The following XPNPEP1 variants were observed in gnomAD, a reference collection of about 807,000 sequenced individuals.
The protein encoded by XPNPEP1 is xaa-Pro aminopeptidase 1.
A neutral mutation model predicts 92.4 loss-of-function variants in XPNPEP1; 39 were observed. The observed-to-expected ratio is 0.42, with a 90% CI of 0.33 to 0.55. The LOEUF is 0.55. XPNPEP1 is among the 20% of genes least tolerant of loss of function. XPNPEP1 has a pLI of 0.08. For missense variants in XPNPEP1, 654 were observed against 856.1 expected, an observed-to-expected ratio of 0.76 and a Z score of 2.95; for synonymous variants, 307 against 299.4, an observed-to-expected ratio of 1.03 and a Z score of -0.26.
At chr10:109,890,880 G>C (rs1848671850) in intron 5 of XPNPEP1, among the ~76,000 whole-genome samples, 1 of 152,112 alleles carries the variant, frequency 6.6e-6, no homozygotes, top group Non-Finnish European at 1.5e-5. Context: ...TTCCTGCTGT[G>C]AGTCTGAGGA....
chr10:109,884,204 G>A, intron 8 of XPNPEP1, 56 bp from the exon 9 acceptor site: 5 of 1,550,534 alleles, frequency 3.2e-6, no homozygotes, highest in African/African-American at 1.4e-5. Context: ...TTAAGGGGTC[G>A]CTTGTAGCGG....
intron 2 of XPNPEP1, among the ~76,000 whole-genome samples, chr10:109,913,235 A>G (rs1849977690): frequency 6.6e-6 from 1 of 152,376 alleles, no homozygotes; most frequent in Admixed American, 6.5e-5. Context: ...CTGATTGTAC[A>G]TGAAAAGCAC....
chr10:109,882,371 A>C (rs1848148735), intron 10 of XPNPEP1, 61 bp downstream of exon 10: 1 of 1,569,664 alleles, frequency 6.4e-7, no homozygotes, highest in Non-Finnish European at 8.7e-7. Context: ...TGCTCCAAAG[A>C]CAATACCAGA....
intron 15 of XPNPEP1, among the ~76,000 whole-genome samples, chr10:109,874,511 C>G (rs997830039): frequency 1.3e-5 from 2 of 152,236 alleles, no homozygotes; most frequent in Admixed American, 1.3e-4. Flanking sequence ...CATTATCAAG[C>G]AATCCTTAGC....
rs376462927 is a variant in XPNPEP1, at chr10:109,868,663, A to G, written c.1823T>C (p.Val608Ala). 7.4e-6 allele frequency: 12 copies of G among 1,613,932 alleles called. No individual in the cohort carries two copies. The highest frequency in any genetic ancestry group is 1.7e-5 in the Admixed American group (1 of 60,004). ...GSLTFEPLTL[V>A]PIQTKMIDVD... ...ATCTATCATTTTGGTCTGAATTGGA[A>G]CCAATGTTAGAGGTTCAAAGGTCAG... Residue 608 changes from valine (V) to alanine (A), a missense_variant, in exon 20 of 21, where the codon GTT becomes GCT. Transcript: ENST00000502935.
At chr10:109,889,919 T>G (rs972600219) in intron 5 of XPNPEP1, among the ~76,000 whole-genome samples, 5 of 152,230 alleles carry the variant, frequency 3.3e-5, no homozygotes, top group East Asian at 1.9e-4. Flanking sequence ...ATTTGATTCT[T>G]TCCTATTTTT....
intron 3 of XPNPEP1, among the ~76,000 whole-genome samples, chr10:109,902,249 G>GCAAGCATTCAAGTGCTT (rs1242509495): frequency 6.6e-6 from 1 of 152,218 alleles, no homozygotes; most frequent in Non-Finnish European, 1.5e-5. Context: ...CATTCAAGCA[G>GCAAGCATTCAAGTGCTT]CAAGCATTCA....
intron 1 of XPNPEP1, among the ~76,000 whole-genome samples, chr10:109,922,928 C>T (rs1021254233): frequency 6.6e-6 from 1 of 152,230 alleles, no homozygotes; most frequent in Admixed American, 6.5e-5. Flanking sequence ...ACCGTCTATC[C>T]TTGTGGCGGT....
rs1313109541 is a variant in XPNPEP1 at position 109,923,428 on chromosome 10, T to C, written c.6A>G (p.Ala2=). Residue 2 remains alanine, a synonymous_variant, in exon 1 of 21, where the codon GCA becomes GCG. Transcript: ENST00000502935. M[A]ASRKPPRVRV... is the part of the protein sequence containing the mutation. ...TTACTCGCGGTGGCTTTCTGGAGGC[T>C]GCCATTCGGCGGTGACGTGCCCCAG... 1 of 1,441,720 alleles carries C rather than the reference T, an allele frequency of 6.9e-7. No homozygotes were observed. Among genetic ancestry groups the C allele is most frequent in the South Asian group, 1.3e-5 (1 of 77,182 alleles). The allele number at this position is 1,441,720 out of a possible 1,614,324, so 89.3% of individuals were successfully genotyped here. A position where few individuals can be genotyped will look rare whatever the true frequency, so the allele number is the denominator to read the frequency against.
chr10:109,882,400 G>A (rs763173357), intron 10 of XPNPEP1, 32 bp downstream of exon 10: 1 of 1,597,384 alleles, frequency 6.3e-7, no homozygotes, highest in Admixed American at 1.7e-5. Flanking sequence ...GGGGGTGGCA[G>A]AGTTTAGATG....
intron 3 of XPNPEP1, among the ~76,000 whole-genome samples, chr10:109,903,010 G>A (rs1177959961): frequency 6.6e-6 from 1 of 152,150 alleles, no homozygotes; most frequent in East Asian, 1.9e-4. Context: ...ATCAGTCAGG[G>A]TGTCCAAAAA....
intron 4 of XPNPEP1, among the ~76,000 whole-genome samples, chr10:109,892,800 C>G (rs1351005840): frequency 2.0e-5 from 3 of 152,054 alleles, no homozygotes; most frequent in Non-Finnish European, 4.4e-5. Flanking sequence ...AACTTTGAAG[C>G]AAAGATACAG....
rs767615762 is a variant in XPNPEP1 at position 109,888,105 on chromosome 10, G to T, written c.596C>A (p.Thr199Lys). Residue 199 changes from threonine (T) to lysine (K), a missense_variant, in exon 7 of 21, where the codon ACA (threonine) becomes AAA (lysine). Physicochemically the swap from Thr to Lys is moderately conservative, Grantham distance 78 (BLOSUM62 -1). Coordinates refer to ENST00000502935, the MANE Select transcript of XPNPEP1 (RefSeq NM_020383.4). ...CTTGCAAGGGCGCTCAGGACGGTCT[G>T]TCCAGATTTTGTCAACGAGGTTCTC... ...VKENLVDKIWTDRPERPCKPL... is the reference protein window; with the variant it reads ...VKENLVDKIWKDRPERPCKPL... 2.5e-6 allele frequency: 4 copies of T among 1,613,990 alleles called. No individual in the cohort carries two copies. The highest frequency in any genetic ancestry group is 2.7e-5 in the African/African-American group (2 of 74,928).
intron 18 of XPNPEP1, 86 bp downstream of exon 18, chr10:109,870,645 T>C (rs1344303458): frequency 3.3e-6 from 5 of 1,492,584 alleles, no homozygotes; most frequent in African/African-American, 1.4e-5. Flanking sequence ...CAATTTACTT[T>C]AAACTAATTA....
chr10:109,899,343 C>G (rs906077042), intron 3 of XPNPEP1, among the ~76,000 whole-genome samples: 2 of 152,084 alleles, frequency 1.3e-5, no homozygotes, highest in African/African-American at 4.8e-5. Context: ...AATGAGTGTG[C>G]CCTGTCCATA....
At chr10:109,923,370 C>A in intron 1 of XPNPEP1, 32 bp downstream of exon 1, 1 of 1,428,252 alleles carries the variant, frequency 7.0e-7, no homozygotes, top group Non-Finnish European at 9.2e-7. Context: ...TGCACGCTGC[C>A]CGGACGCCGG....
At chr10:109,909,896 C>T (rs1372391909) in intron 2 of XPNPEP1, among the ~76,000 whole-genome samples, 1 of 152,196 alleles carries the variant, frequency 6.6e-6, no homozygotes, top group Non-Finnish European at 1.5e-5. Context: ...CTGCCACTAT[C>T]TGCATCCCCA....
At chr10:109,918,370 G>C (rs753298640) in intron 1 of XPNPEP1, among the ~76,000 whole-genome samples, 1 of 152,264 alleles carries the variant, frequency 6.6e-6, no homozygotes, top group East Asian at 1.9e-4. Context: ...GCAGTGAGCT[G>C]TGATCGCCCC....
intron 3 of XPNPEP1, among the ~76,000 whole-genome samples, chr10:109,902,957 G>A (rs1357125590): frequency 2.6e-5 from 4 of 152,330 alleles, no homozygotes; most frequent in Middle Eastern, 3.4e-3. Flanking sequence ...TGCTTCGGGT[G>A]TAATAGGCCA....
Sources: gnomAD v4.1 joint callset for allele counts (sites outside exome capture counted in the v4.1 genomes callset) on GRCh38, gnomAD v4.1.1 for gene constraint, MANE v1.5 for transcripts, NCBI Gene and HGNC (gene_info 2026-07-23, HGNC 2026-07-21) for gene names.